PTK2: variants seen among roughly 807,000 people sequenced by gnomAD.
PTK2 encodes the protein protein tyrosine kinase 2.
In PTK2, 45 loss-of-function variants were observed where a neutral mutation model predicts 150.1. That is an observed-to-expected ratio of 0.30 (90% confidence interval 0.24 to 0.38). PTK2 has a LOEUF of 0.38. Ranked by LOEUF, PTK2 falls within the 10% of genes least tolerant of loss-of-function variation. The pLI, the probability that PTK2 is intolerant of heterozygous loss-of-function variation, is 1.00. For missense variants in PTK2, 919 were observed against 1,307.3 expected (o/e 0.70, Z 4.58); for synonymous variants, 432 against 449.2 (o/e 0.96, Z 0.48).
intron 2 of PTK2, chr8:140,909,751 G>A (rs543534644): frequency 2.0e-4 from 30 of 152,276 alleles, no homozygotes; most frequent in African/African-American, 6.7e-4. Context: ...AAGAAAAGGG[G>A]AGTTCAAAGT....
At chr8:140,723,211 C>G (rs2100043970) in intron 22 of PTK2, among the ~76,000 whole-genome samples, 1 of 152,216 alleles carries the variant, frequency 6.6e-6, no homozygotes, top group South Asian at 2.1e-4. Context: ...CTACAGTTGT[C>G]AGACATGAAT....
chr8:140,902,398 C>T (rs145538588), intron 2 of PTK2, among the ~76,000 whole-genome samples: 6 of 152,142 alleles, frequency 3.9e-5, no homozygotes, highest in Non-Finnish European at 5.9e-5. Flanking sequence ...GTCTTTGCTA[C>T]TGTGAACAGT....
intron 22 of PTK2, among the ~76,000 whole-genome samples, chr8:140,719,943 C>T (rs2100041973): frequency 7.4e-6 from 1 of 135,718 alleles, no homozygotes; most frequent in African/African-American, 2.9e-5. Flanking sequence ...ACAACAACAA[C>T]AACAAACACC....
At chr8:140,846,118 T>C (rs572527856) in intron 7 of PTK2, 142 bp downstream of exon 7, 1 of 608,230 alleles carries the variant, frequency 1.6e-6, no homozygotes, top group African/African-American at 1.9e-5. Flanking sequence ...ACAATTAATG[T>C]CATCAAGGAT....
chr8:140,804,566 A>T (rs7839697), intron 10 of PTK2, among the ~76,000 whole-genome samples: 88,179 of 152,054 alleles, frequency 0.58, 27,149 homozygotes, highest in African/African-American at 0.79. Context: ...AAGATACATG[A>T]ATCTTCCATC....
At chr8:140,726,409 C>T (rs1277485621) in intron 22 of PTK2, among the ~76,000 whole-genome samples, 1 of 152,112 alleles carries the variant, frequency 6.6e-6, no homozygotes, top group East Asian at 1.9e-4. Context: ...ATTCAAGAGG[C>T]TCAGCAAATC....
At chr8:140,914,760 G>A (rs920909606) in intron 2 of PTK2, among the ~76,000 whole-genome samples, 5 of 152,066 alleles carry the variant, frequency 3.3e-5, no homozygotes, top group African/African-American at 9.7e-5. Flanking sequence ...TACCAGCCAG[G>A]AGTGGTGGCT....
At chr8:140,876,755 T>C (rs1055102409) in intron 4 of PTK2, among the ~76,000 whole-genome samples, 2 of 152,112 alleles carry the variant, frequency 1.3e-5, no homozygotes, top group African/African-American at 2.4e-5. Flanking sequence ...TCTGGAAAAT[T>C]TTTTCTCTTG....
chr8:140,966,508 C>T (rs181233733), intron 1 of PTK2, among the ~76,000 whole-genome samples: 15 of 152,284 alleles, frequency 9.9e-5, no homozygotes, highest in Admixed American at 7.2e-4. Context: ...TGAATCCTAA[C>T]TCTTCTTATT....
intron 14 of PTK2, among the ~76,000 whole-genome samples, chr8:140,786,873 A>C (rs148741306): frequency 6.6e-6 from 1 of 152,094 alleles, no homozygotes; most frequent in Non-Finnish European, 1.5e-5. Flanking sequence ...AATGATGAAA[A>C]GAGCAAGTCT....
At chr8:140,713,710 A>G (rs1331185903) in intron 23 of PTK2, among the ~76,000 whole-genome samples, 1 of 152,192 alleles carries the variant, frequency 6.6e-6, no homozygotes, top group Admixed American at 6.5e-5. Flanking sequence ...ATGAGCATTT[A>G]ATGGGACACT....
chr8:140,830,714 A>G (rs1338655124), intron 7 of PTK2, among the ~76,000 whole-genome samples, 188 bp from the exon 8 acceptor site: 1 of 152,188 alleles, frequency 6.6e-6, no homozygotes, highest in African/African-American at 2.4e-5. Context: ...CATTTTCTAG[A>G]TATGTACTGG....
At position 140,724,591 on chromosome 8, in the gene PTK2, G is replaced by C. The variant is rs768555517; in HGVS notation, c.2031-6882C>G. Among the ~76,000 whole-genome samples, 50 of 152,086 alleles carry C rather than the reference G, an allele frequency of 3.3e-4. 1 individual carries two copies. Among genetic ancestry groups the C allele is most frequent in the Admixed American group, 2.6e-3 (39 of 15,266 alleles). Reference sequence around the variant, plus strand: ...TTGCTTTGGATATAAAATCAGTCTGGGTTTGCAGTTATTTAAGTTAATCTA... The same window carrying C: ...TTGCTTTGGATATAAAATCAGTCTGCGTTTGCAGTTATTTAAGTTAATCTA... On this transcript the variant is annotated intron_variant, in intron 22 of 31. Transcript: ENST00000522684.
At chr8:140,993,730 G>T (rs1589118062) in intron 1 of PTK2, among the ~76,000 whole-genome samples, 1 of 151,954 alleles carries the variant, frequency 6.6e-6, no homozygotes, top group Non-Finnish European at 1.5e-5. Context: ...CCACAAACAT[G>T]ACTTTTTTTT....
intron 1 of PTK2, among the ~76,000 whole-genome samples, chr8:140,981,684 A>G (rs927872217): frequency 5.9e-5 from 9 of 152,242 alleles, no homozygotes; most frequent in Non-Finnish European, 1.2e-4. Context: ...TTCAGTGTCT[A>G]AAGTTTTACT....
intron 10 of PTK2, among the ~76,000 whole-genome samples, chr8:140,807,215 C>A (rs1438530305): frequency 6.6e-6 from 1 of 152,168 alleles, no homozygotes; most frequent in African/African-American, 2.4e-5. Flanking sequence ...TAAACCATTA[C>A]AACTGTGATA....
intron 8 of PTK2, among the ~76,000 whole-genome samples, chr8:140,826,848 G>A (rs1597433499): frequency 6.6e-6 from 1 of 152,052 alleles, no homozygotes; most frequent in Non-Finnish European, 1.5e-5. Flanking sequence ...AACCTGAGTG[G>A]CCGAGGCTGC....
intron 16 of PTK2, among the ~76,000 whole-genome samples, chr8:140,757,918 C>T (rs750784054): frequency 1.5e-4 from 23 of 151,628 alleles, no homozygotes; most frequent in Non-Finnish European, 2.8e-4. Flanking sequence ...CTGGTGTAAA[C>T]AAATTTACCG....
chr8:140,722,034 A>C (rs146091391), intron 22 of PTK2, among the ~76,000 whole-genome samples: 1 of 152,340 alleles, frequency 6.6e-6, no homozygotes, highest in African/African-American at 2.4e-5. Flanking sequence ...ACATAATAGG[A>C]ATTAATAAAT....
Sources: gnomAD v4.1 joint callset for allele counts (sites outside exome capture counted in the v4.1 genomes callset) on GRCh38, gnomAD v4.1.1 for gene constraint, MANE v1.5 for transcripts, NCBI Gene and HGNC (gene_info 2026-07-23, HGNC 2026-07-21) for gene names.